ELAVL2: variants seen among roughly 807,000 people sequenced by gnomAD.
The protein encoded by ELAVL2 is ELAV like RNA binding protein 2.
In ELAVL2, 4 loss-of-function variants were observed where a neutral mutation model predicts 34.6. The ratio of observed to expected loss-of-function variants is 0.12; its 90% CI spans 0.06 to 0.26. The LOEUF is 0.26. Among genes scored for constraint, ELAVL2 ranks in the 10% least tolerant of loss-of-function variants. ELAVL2 has a pLI of 1.00. For synonymous variants in ELAVL2, 193 were observed against 154.8 expected (o/e 1.25, Z -1.83); for missense variants, 432 against 442.8 (o/e 0.98, Z 0.22).
the ELAVL2 span, among the ~76,000 whole-genome samples, chr9:23,843,880 C>T: frequency 3.9e-5 from 6 of 151,906 alleles, no homozygotes; most frequent in Admixed American, 1.3e-4. Context: ...AAGGCTTTCC[C>T]GGCTGTGCAC....
intron 2 of ELAVL2, among the ~76,000 whole-genome samples, chr9:23,744,152 C>T (rs1287641695): frequency 1.3e-5 from 2 of 152,186 alleles, no homozygotes; most frequent in Non-Finnish European, 2.9e-5. Context: ...GGAAAAGAAA[C>T]TGCACTAAAG....
chr9:23,702,274 A>G (rs2037529455), intron 4 of ELAVL2, among the ~76,000 whole-genome samples: 1 of 150,288 alleles, frequency 6.7e-6, no homozygotes, highest in Admixed American at 6.6e-5. Flanking sequence ...GAAAAGACGT[A>G]GATTTTAAAA....
intron 3 of ELAVL2, among the ~76,000 whole-genome samples, chr9:23,725,647 T>C (rs954789040): frequency 6.6e-6 from 1 of 152,104 alleles, no homozygotes; most frequent in African/African-American, 2.4e-5. Context: ...CCAATCCCAA[T>C]AATCCTGTCG....
At chr9:23,777,829 T>C (rs928458872) in intron 1 of ELAVL2, among the ~76,000 whole-genome samples, 3 of 152,212 alleles carry the variant, frequency 2.0e-5, no homozygotes, top group Admixed American at 1.3e-4. Flanking sequence ...CCCATACTTT[T>C]ACTTGCCAAG....
intron 2 of ELAVL2, among the ~76,000 whole-genome samples, chr9:23,760,598 T>C (rs1274266544): frequency 1.3e-5 from 2 of 152,028 alleles, no homozygotes; most frequent in Admixed American, 6.6e-5. Context: ...AAAAACACTA[T>C]AAATTTCACA....
intron 1 of ELAVL2, among the ~76,000 whole-genome samples, chr9:23,801,283 T>C (rs2137642892): frequency 6.6e-6 from 1 of 152,346 alleles, no homozygotes; most frequent in African/African-American, 2.4e-5. Context: ...ACTGCTGCTT[T>C]ATTTCTTTTA....
chr9:23,739,350 C>A (rs981977349), intron 2 of ELAVL2, among the ~76,000 whole-genome samples: 1 of 152,156 alleles, frequency 6.6e-6, no homozygotes. Flanking sequence ...AACACTGGAG[C>A]TGCCACCAGG....
chr9:23,775,107 A>G (rs1041794591), intron 1 of ELAVL2, among the ~76,000 whole-genome samples: 9 of 152,218 alleles, frequency 5.9e-5, no homozygotes, highest in African/African-American at 1.9e-4. Context: ...TTGCTACAGT[A>G]AAGAAGTTCA....
the ELAVL2 span, among the ~76,000 whole-genome samples, chr9:23,841,264 A>C: frequency 6.6e-6 from 1 of 152,102 alleles, no homozygotes; most frequent in Non-Finnish European, 1.5e-5. Context: ...GATAGTTTCC[A>C]CCATTTGTGC....
chr9:23,840,507 G>A, the ELAVL2 span, among the ~76,000 whole-genome samples: 2 of 152,166 alleles, frequency 1.3e-5, no homozygotes, highest in Non-Finnish European at 2.9e-5. Context: ...AGTGGCTTGA[G>A]CTATTTTGGT....
At chr9:23,786,129 T>C (rs948179312) in intron 1 of ELAVL2, among the ~76,000 whole-genome samples, 1 of 152,146 alleles carries the variant, frequency 6.6e-6, no homozygotes, top group Non-Finnish European at 1.5e-5. Context: ...CTGTTAACAA[T>C]GAAGAAAAGT....
intron 5 of ELAVL2, among the ~76,000 whole-genome samples, chr9:23,697,138 G>A (rs2035544513): frequency 1.3e-5 from 2 of 151,656 alleles, no homozygotes; most frequent in Non-Finnish European, 2.9e-5. Context: ...CAGATATGGA[G>A]GATTAGACTG....
intron 2 of ELAVL2, among the ~76,000 whole-genome samples, chr9:23,746,360 T>C (rs755795336): frequency 1.3e-5 from 2 of 152,084 alleles, no homozygotes; most frequent in Non-Finnish European, 2.9e-5. Context: ...ATGAATTACA[T>C]AAATATTGTT....
Position 23,692,528 on chromosome 9 carries a change from T to G in ELAVL2, c.*29A>C. On this transcript the variant is annotated 3_prime_UTR_variant, in exon 7 of 7. Transcript: ENST00000397312. ...ACTTGCCTTTGTTGTATAGTTTTCA[T>G]ATATAAATGGACTGAGGACAAGAGC... 1 of 1,583,074 alleles carries G rather than the reference T, an allele frequency of 6.3e-7. No homozygotes were observed. The highest frequency in any genetic ancestry group is 8.6e-7 in the Non-Finnish European group (1 of 1,163,714).
At chr9:23,717,179 T>C (rs1346964645) in intron 3 of ELAVL2, among the ~76,000 whole-genome samples, 2 of 152,234 alleles carry the variant, frequency 1.3e-5, no homozygotes, top group Non-Finnish European at 2.9e-5. Flanking sequence ...AAGTCTTCTT[T>C]GACCTACTTC....
the ELAVL2 span, among the ~76,000 whole-genome samples, chr9:23,837,307 C>T: frequency 1.3e-5 from 2 of 152,158 alleles, no homozygotes; most frequent in South Asian, 2.1e-4. Context: ...GGAAAGTACG[C>T]ACTGTGGCAC....
chr9:23,825,376 A>C (rs1291197594), intron 1 of ELAVL2, among the ~76,000 whole-genome samples: 1 of 152,150 alleles, frequency 6.6e-6, no homozygotes, highest in African/African-American at 2.4e-5. Flanking sequence ...TCGCTGGTCT[A>C]ATCTGCCAGT....
chr9:23,746,386 A>T (rs1330358155), intron 2 of ELAVL2, among the ~76,000 whole-genome samples: 1 of 152,184 alleles, frequency 6.6e-6, no homozygotes, highest in Non-Finnish European at 1.5e-5. Context: ...GGAGTTCTAG[A>T]TTGTACACTG....
intron 1 of ELAVL2, among the ~76,000 whole-genome samples, chr9:23,791,102 A>G (rs1333546608): frequency 6.6e-6 from 1 of 152,230 alleles, no homozygotes; most frequent in Non-Finnish European, 1.5e-5. Flanking sequence ...TCAAACTATA[A>G]AACTGAAGAG....
Sources: allele counts gnomAD v4.1 joint callset (sites outside exome capture counted in the v4.1 genomes callset), GRCh38; gene constraint gnomAD v4.1.1; transcripts MANE v1.5; gene names NCBI Gene and HGNC (gene_info 2026-07-23, HGNC 2026-07-21).